The following BTBD8 variants were observed in gnomAD, a reference collection of about 807,000 sequenced individuals.
BTBD8 encodes BTB/POZ domain-containing protein 8.
Under a neutral mutation model 162.9 loss-of-function variants are expected in BTBD8, and 110 were observed. That is an observed-to-expected ratio of 0.68 (90% CI 0.58 to 0.79). The LOEUF (loss-of-function observed/expected upper bound fraction) is 0.79, where lower values mean the gene tolerates loss of function less well. Ranked by LOEUF, BTBD8 falls within the 30% of genes least tolerant of loss-of-function variation. The pLI, the probability that BTBD8 is intolerant of heterozygous loss-of-function variation, is 0.00. For synonymous variants in BTBD8, 667 were observed against 716.1 expected (o/e 0.93, Z 1.10); for missense variants, 1,905 against 2,085.4 (o/e 0.91, Z 1.68).
Position 92,102,686 on chromosome 1 carries a change from G to T in BTBD8, c.544+17G>T. On this transcript the variant is annotated intron_variant, in intron 3 of 17. Coordinates refer to ENST00000636805, the MANE Select transcript of BTBD8 (RefSeq NM_001376131.1). ...TTTCCAATGGTGAGGTATTTTTTATGGAGTTGTATTTATAGCCGTAAAAAT... is the reference window on the plus strand; with the variant it reads ...TTTCCAATGGTGAGGTATTTTTTATTGAGTTGTATTTATAGCCGTAAAAAT... 1.4e-6 allele frequency: 2 copies of T among 1,433,142 alleles called. No homozygotes were observed. Among genetic ancestry groups the T allele is most frequent in the Non-Finnish European group, 1.8e-6 (2 of 1,084,294 alleles). 88.8% of individuals were successfully genotyped at this position (1,433,142 alleles called of 1,614,324 possible).
Position 92,139,403 on chromosome 1 carries a change from T to C in BTBD8, c.806T>C (p.Leu269Pro), listed in dbSNP as rs779911238. Residue 269 changes from leucine to proline, a missense_variant, in exon 6 of 18, where the codon CTG becomes CCG. Around this residue, in one of 3 missense-constraint regions of BTBD8, gnomAD observed 1,374 missense variants for 1,442.7 expected, o/e 0.95. Coordinates refer to ENST00000636805, the MANE Select transcript of BTBD8 (RefSeq NM_001376131.1). Reference protein sequence around the residue: ...VMMHFIYGGTLDIPDKTNVGQ... With the variant: ...VMMHFIYGGTPDIPDKTNVGQ... The stretch of plus-strand genomic sequence containing the variant: ...ATGCATTTTATATATGGAGGAACTC[T>C]GGACATTCCAGACAAAACTAATGTT... The C allele has an allele frequency of 1.2e-6, 2 of 1,602,792 alleles. No individual in the cohort carries two copies. The highest frequency in any genetic ancestry group is 8.5e-7 in the Non-Finnish European group (1 of 1,177,014).
At chr1:92,095,799 C>T (rs1021455954) in intron 2 of BTBD8, among the ~76,000 whole-genome samples, 1 of 152,162 alleles carries the variant, frequency 6.6e-6, no homozygotes, top group African/African-American at 2.4e-5. Flanking sequence ...CTCAACTACT[C>T]ACTGCCATGT....
At chr1:92,164,081 C>G (rs72718468) in intron 9 of BTBD8, among the ~76,000 whole-genome samples, 1 of 152,266 alleles carries the variant, frequency 6.6e-6, no homozygotes, top group Non-Finnish European at 1.5e-5. Context: ...TACAGTTACT[C>G]AGGAAGTCAC....
At chr1:92,118,391 A>T (rs1649102315) in intron 4 of BTBD8, among the ~76,000 whole-genome samples, 1 of 149,642 alleles carries the variant, frequency 6.7e-6, no homozygotes, top group South Asian at 2.1e-4. Flanking sequence ...TCACAATTTC[A>T]TGGATTATGG....
At chr1:92,143,017 G>A (rs1649813635) in intron 7 of BTBD8, among the ~76,000 whole-genome samples, 1 of 152,140 alleles carries the variant, frequency 6.6e-6, no homozygotes, top group Non-Finnish European at 1.5e-5. Flanking sequence ...AATGGGGAGG[G>A]AAAGATTTAA....
At chr1:92,159,112 AATC>A (rs1016325776) in intron 9 of BTBD8, among the ~76,000 whole-genome samples, 3 of 152,010 alleles carry the variant, frequency 2.0e-5, no homozygotes, top group African/African-American at 7.2e-5. Context: ...TTCATAAGTG[AATC>A]ATAAGTGATT....
At chr1:92,113,641 G>GGGAGCTACT (rs1445702854) in intron 4 of BTBD8, among the ~76,000 whole-genome samples, 3 of 152,148 alleles carry the variant, frequency 2.0e-5, no homozygotes, top group African/African-American at 7.2e-5. Context: ...GTAGCTTCTG[G>GGGAGCTACT]TGAGATGACC....
intron 2 of BTBD8, among the ~76,000 whole-genome samples, chr1:92,099,434 A>G (rs1457559068): frequency 6.6e-6 from 1 of 151,996 alleles, no homozygotes; most frequent in African/African-American, 2.4e-5. Flanking sequence ...AAAAAAAAAA[A>G]AGTCAGCTGG....
chr1:92,139,791 TAG>T (rs2101939480), intron 6 of BTBD8: 1 of 188,192 alleles, frequency 5.3e-6, no homozygotes, highest in African/African-American at 2.4e-5. Context: ...AGAAAAAACA[TAG>T]TTAAGAATAT....
chr1:92,168,387 T>C (rs1650438377), intron 11 of BTBD8, among the ~76,000 whole-genome samples: 1 of 108,208 alleles, frequency 9.2e-6, no homozygotes, highest in South Asian at 4.0e-4. Context: ...TTTATAATCT[T>C]AATTTTTCTC....
Position 92,184,304 on chromosome 1 carries a change from AT to A in BTBD8, c.5355del (p.Leu1786TrpfsTer10). The A allele has an allele frequency of 6.5e-7, 1 of 1,549,480 alleles. No homozygotes were observed. Among genetic ancestry groups the A allele is most frequent in the East Asian group, 2.4e-5 (1 of 40,896 alleles). ...TTGTTCGCCTCAAGGCGAGTGGACA[AT>A]TCTGGAACTGGAAACTCAGCATTAA... Reference protein sequence around the residue: ...EDCSPQGEWTILELETQH With the variant: ...EDCSPQGEWTXLELETQH On this transcript the variant is annotated frameshift_variant, in exon 18 of 18. Transcript: ENST00000636805. LOFTEE classifies it high-confidence loss of function.
intron 9 of BTBD8, among the ~76,000 whole-genome samples, chr1:92,155,775 G>T (rs758642381): frequency 6.6e-6 from 1 of 152,080 alleles, no homozygotes; most frequent in Non-Finnish European, 1.5e-5. Flanking sequence ...ACTGATTATT[G>T]TATGTTCATT....
In BTBD8 at chr1:92,181,941, G is replaced by A. The variant is rs1353641311; in HGVS notation, c.4258G>A (p.Ala1420Thr). The change falls in exon 17 of 18, where the codon GCA becomes ACA. Residue 1420 changes from alanine (A) to threonine (T), a missense_variant. Physicochemically the swap from Ala to Thr is moderately conservative, Grantham distance 58. Coordinates refer to ENST00000636805, the MANE Select transcript of BTBD8 (RefSeq NM_001376131.1). ...QGIINLAFED[A>T]TENECREFSA... ...AATAATTAATTTAGCTTTTGAAGAT[G>A]CAACTGAAAATGAATGTCGTGAATT... is the stretch of plus-strand genomic sequence containing the variant. The A allele has an allele frequency of 6.4e-7, 1 of 1,551,600 alleles. No individual in the cohort carries two copies. Among genetic ancestry groups the A allele is most frequent in the South Asian group, 1.2e-5 (1 of 84,056 alleles).
intron 4 of BTBD8, among the ~76,000 whole-genome samples, chr1:92,123,906 C>T (rs2101923297): frequency 6.6e-6 from 1 of 151,796 alleles, no homozygotes; most frequent in East Asian, 1.9e-4. Context: ...TTGTTCCAGT[C>T]AGGAACCGAG....
intron 4 of BTBD8, chr1:92,115,356 G>T: frequency 2.2e-6 from 1 of 458,570 alleles, no homozygotes; most frequent in South Asian, 1.8e-5. Context: ...GGTGGTACAG[G>T]AGACATTGCT....
intron 2 of BTBD8, among the ~76,000 whole-genome samples, chr1:92,096,073 G>T (rs777748774): frequency 6.6e-6 from 1 of 151,698 alleles, no homozygotes; most frequent in Admixed American, 6.6e-5. Context: ...CAAGGCTTAC[G>T]CAATTCTTGT....
chr1:92,112,332 T>G (rs183430481), intron 4 of BTBD8, among the ~76,000 whole-genome samples: 7 of 152,164 alleles, frequency 4.6e-5, no homozygotes, highest in African/African-American at 1.7e-4. Context: ...TGAGCCTAGG[T>G]GTTTGAGGTT....
chr1:92,128,232 T>G (rs992745599), intron 4 of BTBD8, among the ~76,000 whole-genome samples: 7 of 151,930 alleles, frequency 4.6e-5, no homozygotes, highest in Non-Finnish European at 1.0e-4. Context: ...TTCTCCTGCC[T>G]CAGCCTCCCG....
intron 4 of BTBD8, among the ~76,000 whole-genome samples, chr1:92,118,634 C>T (rs1649107496): frequency 6.6e-6 from 1 of 151,832 alleles, no homozygotes. Context: ...TAATGTTCTA[C>T]CTCCTTGAAC....
Sources: allele counts gnomAD v4.1 joint callset (sites outside exome capture counted in the v4.1 genomes callset), GRCh38; gene constraint gnomAD v4.1.1; regional missense constraint gnomAD v4.1.1; transcripts MANE v1.5; gene names NCBI Gene and HGNC (gene_info 2026-07-23, HGNC 2026-07-21).